Variants in AMZ2 observed in about 807,000 individuals in gnomAD.
The protein encoded by AMZ2 is archaelysin family metallopeptidase 2.
Under a neutral mutation model 36.7 loss-of-function variants are expected in AMZ2, and 26 were observed. That is an observed-to-expected ratio of 0.71 (90% CI 0.52 to 0.98). AMZ2 has a LOEUF of 0.98. Ranked by LOEUF, AMZ2 falls within the 50% of genes least tolerant of loss-of-function variation. The pLI is 0.00. For missense variants in AMZ2, 394 were observed against 430.5 expected, an observed-to-expected ratio of 0.92 and a Z score of 0.75; for synonymous variants, 144 against 149.1, an observed-to-expected ratio of 0.97 and a Z score of 0.25.
chr17:68,228,162 A>G (rs1160648850), intron 1 of AMZ2, among the ~76,000 whole-genome samples: 2 of 151,770 alleles, frequency 1.3e-5, no homozygotes, highest in Non-Finnish European at 2.9e-5. Flanking sequence ...GAGACTTCCT[A>G]TTTCTGCCCA....
intron 1 of AMZ2, among the ~76,000 whole-genome samples, chr17:68,209,276 C>T (rs2072943369): frequency 6.6e-6 from 1 of 151,896 alleles, no homozygotes; most frequent in Admixed American, 6.6e-5. Context: ...TCACTGCAAC[C>T]TCCACCTCCT....
chr17:68,253,561 G>C (rs1186970468), intron 4 of AMZ2, among the ~76,000 whole-genome samples: 4 of 152,138 alleles, frequency 2.6e-5, no homozygotes, highest in Admixed American at 2.6e-4. Context: ...TCTTTGAAAA[G>C]GGGGTAGGGT....
rs2073760115 is a variant in AMZ2, at chr17:68,235,300, C to G, written c.-66-13340C>G. Among the ~76,000 whole-genome samples the G allele has an allele frequency of 6.6e-6, 1 of 152,238 alleles. No homozygotes were observed. On this transcript the variant is annotated intron_variant, in intron 1 of 7. Coordinates refer to the AMZ2 transcript ENST00000674770. This position sits in a 1 kb window ranked among gnomAD's most constrained non-coding sequence, Gnocchi z 4.2. ...GCCATGCCTGGTTATTGGGCACCTT[C>G]TGGTAATAAACAGTTGAAAGGAGCT...
intron 1 of AMZ2, chr17:68,249,690 A>G (rs1305961744): frequency 6.6e-6 from 1 of 152,444 alleles, no homozygotes; most frequent in East Asian, 1.9e-4. Flanking sequence ...ACTCTTGCCC[A>G]GGCTGGAGTG....
intron 1 of AMZ2, among the ~76,000 whole-genome samples, chr17:68,240,344 T>C (rs1260617034): frequency 6.6e-6 from 1 of 152,148 alleles, no homozygotes. Context: ...ATTCAAACCA[T>C]AGCAGGGTGC....
Position 68,250,886 on chromosome 17 carries a change from C to T in AMZ2, c.376C>T (p.Leu126Phe), listed in dbSNP as rs782649154. The change falls in exon 3 of 7, where the codon CTC becomes TTC. Residue 126 changes from leucine to phenylalanine, a missense_variant. Coordinates refer to ENST00000359904, the MANE Select transcript of AMZ2 (RefSeq NM_016627.5). ...ATATTTCTATGGCTTGAGAGTAAAACTCCTAGAACCAGTTCCTGTTTCTGT... is the reference window on the plus strand; with the variant it reads ...ATATTTCTATGGCTTGAGAGTAAAATTCCTAGAACCAGTTCCTGTTTCTGT... ...KAYFYGLRVK[L>F]LEPVPVSVTR... 1 of 1,610,166 alleles carries T rather than the reference C, an allele frequency of 6.2e-7. No homozygotes were observed. Among genetic ancestry groups the T allele is most frequent in the South Asian group, 1.1e-5 (1 of 89,820 alleles).
At chr17:68,227,606 G>C (rs36089549) in intron 1 of AMZ2, among the ~76,000 whole-genome samples, 1 of 151,956 alleles carries the variant, frequency 6.6e-6, no homozygotes, top group Non-Finnish European at 1.5e-5. Context: ...TGGCTGCATC[G>C]CTCCAGTCTT....
rs1480161684 is a variant in AMZ2 at position 68,250,847 on chromosome 17, G to A, written c.337G>A (p.Gly113Ser). 1.9e-6 allele frequency: 3 copies of A among 1,604,422 alleles called. No homozygotes were observed. Among genetic ancestry groups the A allele is most frequent in the Non-Finnish European group, 1.7e-6 (2 of 1,177,662 alleles). ...TGAAGAATATATTAAATGGCTCACG[G>A]GCTACTGTAAAGCATATTTCTATGG... The part of the protein sequence containing the change: ...ISEEYIKWLT[G>S]YCKAYFYGLR... Residue 113 changes from glycine to serine, a missense_variant, in exon 3 of 7, where the codon GGC becomes AGC. Transcript: ENST00000359904.
chr17:68,242,040 G>A (rs1555734126), intron 1 of AMZ2, among the ~76,000 whole-genome samples: 3 of 151,560 alleles, frequency 2.0e-5, no homozygotes, highest in Non-Finnish European at 2.9e-5. Context: ...CATTGCACCC[G>A]GTCCATATAG....
chr17:68,254,757 A>G lies in AMZ2; in HGVS notation c.750+190A>G, dbSNP rs73998057. 5.3e-3 allele frequency among the ~76,000 whole-genome samples: 801 copies of G among 152,348 alleles called. 7 individuals carry two copies. The highest frequency in any genetic ancestry group is 0.019 in the African/African-American group (777 of 41,580). ...GGATACCTTCATATTGAAATTTACA[A>G]TATCAGTGCCAGTTTTTCTGTACTA... On this transcript the variant is annotated intron_variant, in intron 5 of 6. Transcript: ENST00000359904.
At chr17:68,254,282 G>A (rs1568383496) in intron 4 of AMZ2, 122 bp from the exon 5 acceptor site, 2 of 909,158 alleles carry the variant, frequency 2.2e-6, no homozygotes, top group Non-Finnish European at 3.3e-6. Context: ...TGTATCAGAT[G>A]GTGTGGACAC....
At chr17:68,244,690 T>C (rs1555734821), upstream of AMZ2, among the ~76,000 whole-genome samples, 1 of 152,188 alleles carries the variant, frequency 6.6e-6, no homozygotes, top group Non-Finnish European at 1.5e-5. Flanking sequence ...TGAGGTAAAA[T>C]GTTAAGTACT....
chr17:68,226,032 G>A lies in AMZ2; in HGVS notation c.-67+19794G>A, dbSNP rs1296713020. Among the ~76,000 whole-genome samples, 10 of 152,116 alleles carry A rather than the reference G, an allele frequency of 6.6e-5. No homozygotes were observed. The East Asian group carries it at 1.9e-3, about 29-fold the overall frequency. Reference sequence around the variant, plus strand: ...TTTGGCTTTTGGAGTATGAAAAGGGGGACGTGCTGTGGTCTCTGCCTGAAG... The same window carrying A: ...TTTGGCTTTTGGAGTATGAAAAGGGAGACGTGCTGTGGTCTCTGCCTGAAG... On this transcript the variant is annotated intron_variant, in intron 1 of 7. Transcript: ENST00000674770.
intron 1 of AMZ2, among the ~76,000 whole-genome samples, chr17:68,212,791 C>T (rs567664007): frequency 6.6e-6 from 1 of 152,174 alleles, no homozygotes; most frequent in Admixed American, 6.5e-5. Flanking sequence ...GTTGCCTAAA[C>T]TCCTGGGTTC....
intron 1 of AMZ2, among the ~76,000 whole-genome samples, chr17:68,234,985 A>G (rs1359050507): frequency 3.3e-5 from 5 of 152,180 alleles, no homozygotes; most frequent in African/African-American, 1.2e-4. Context: ...ATTGCACTCC[A>G]GCCTGGGCAA....
At chr17:68,249,093 C>T in intron 1 of AMZ2, 1 of 1,187,318 alleles carries the variant, frequency 8.4e-7, no homozygotes, top group Non-Finnish European at 1.0e-6. Context: ...AGAAACCTGT[C>T]ATTGTGAGGC....
At chr17:68,209,633 T>TATATATGTATATATA (rs1555725395) in intron 1 of AMZ2, among the ~76,000 whole-genome samples, 2 of 78,858 alleles carry the variant, frequency 2.5e-5, no homozygotes, top group East Asian at 3.9e-4. Flanking sequence ...TATATATATA[T>TATATATGTATATATA]TTTTTTTTTT....
chr17:68,226,810 C>G (rs1189290380), intron 1 of AMZ2, among the ~76,000 whole-genome samples: 2 of 151,932 alleles, frequency 1.3e-5, no homozygotes, highest in Admixed American at 6.6e-5. Flanking sequence ...AAAATGTACT[C>G]TGTGTGCTGG....
rs11539282 is a variant in AMZ2, at chr17:68,248,679, C to T, written c.-27C>T. Reference sequence around the variant, plus strand: ...GTCCGTCCTTGTAAGTTAAAAGCTTCCATGGGAGCCTTCCTTCCTAATCAA... The same window carrying T: ...GTCCGTCCTTGTAAGTTAAAAGCTTTCATGGGAGCCTTCCTTCCTAATCAA... On this transcript the variant is annotated 5_prime_UTR_variant, in exon 1 of 7. Coordinates refer to ENST00000359904, the MANE Select transcript of AMZ2 (RefSeq NM_016627.5). The T allele has an allele frequency of 6.9e-3, 6,760 of 986,190 alleles. 50 individuals carry two copies. Among genetic ancestry groups the T allele is most frequent in the South Asian group, 0.054 (1,146 of 21,288 alleles). 61.1% of individuals were successfully genotyped at this position (986,190 alleles called of 1,614,324 possible).
Sources: gnomAD v4.1 joint callset for allele counts (sites outside exome capture counted in the v4.1 genomes callset) on GRCh38, gnomAD v4.1.1 for gene constraint, Gnocchi (gnomAD v3.1) non-coding constraint, MANE v1.5 for transcripts, NCBI Gene and HGNC (gene_info 2026-07-23, HGNC 2026-07-21) for gene names.